GNA12: variants seen among roughly 807,000 people sequenced by gnomAD.
GNA12 encodes G protein subunit alpha 12.
In GNA12, 9 loss-of-function variants were observed where a neutral mutation model predicts 26.0. That is an observed-to-expected ratio of 0.35 (90% CI 0.21 to 0.60). The LOEUF is 0.60. GNA12 is among the 20% of genes least tolerant of loss of function. GNA12 has a pLI of 0.78. For synonymous variants in GNA12, 264 were observed against 219.6 expected (o/e 1.20, Z -1.79); for missense variants, 405 against 525.8 (o/e 0.77, Z 2.25).
intron 1 of GNA12, among the ~76,000 whole-genome samples, chr7:2,802,487 C>T (rs925147429): frequency 1.3e-5 from 2 of 151,980 alleles, no homozygotes; most frequent in African/African-American, 4.8e-5. Flanking sequence ...GTTAGTTTAG[C>T]CCCTAATCAA....
At chr7:2,746,782 AAAG>A (rs1385087202) in intron 2 of GNA12, among the ~76,000 whole-genome samples, 3 of 152,130 alleles carry the variant, frequency 2.0e-5, no homozygotes, top group Admixed American at 1.3e-4. Context: ...CAAGACTAAT[AAAG>A]AAGAAAAGAG....
chr7:2,754,483 C>T (rs1162179969), intron 2 of GNA12, among the ~76,000 whole-genome samples: 1 of 152,012 alleles, frequency 6.6e-6, no homozygotes. Context: ...TGGCTCACCC[C>T]TGTAATCCCA....
chr7:2,805,975 T>C (rs1314423787), intron 1 of GNA12, among the ~76,000 whole-genome samples: 4 of 152,356 alleles, frequency 2.6e-5, no homozygotes, highest in Admixed American at 6.5e-5. Flanking sequence ...AAAGAACACG[T>C]AAACTTCTTT....
Position 2,830,981 on chromosome 7 carries a change from A to G in GNA12, c.309+12872T>C, listed in dbSNP as rs139595566. On this transcript the variant is annotated intron_variant, in intron 1 of 3. Coordinates refer to ENST00000275364, the MANE Select transcript of GNA12 (RefSeq NM_007353.3). ...AAAAAAACAAAAAACAAAAGCTCCC[A>G]ATGCACAGAGAAGGTATCAAGGTAT... 3.0e-4 allele frequency among the ~76,000 whole-genome samples: 46 copies of G among 152,118 alleles called. No individual in the cohort carries two copies. The East Asian group carries it at 8.9e-3, about 29-fold the overall frequency.
intron 1 of GNA12, among the ~76,000 whole-genome samples, chr7:2,830,048 C>T (rs1562448860): frequency 6.6e-6 from 1 of 152,214 alleles, no homozygotes; most frequent in Non-Finnish European, 1.5e-5. Flanking sequence ...TCCACACTTC[C>T]TGGCTCCACC....
At chr7:2,818,341 T>C (rs902278578) in intron 1 of GNA12, among the ~76,000 whole-genome samples, 1 of 152,202 alleles carries the variant, frequency 6.6e-6, no homozygotes, top group Admixed American at 6.5e-5. Context: ...CACCCATCAG[T>C]GTCACAACCA....
Position 2,769,295 on chromosome 7 carries a change from T to C in GNA12, c.525+25633A>G, listed in dbSNP as rs1791889968. Among the ~76,000 whole-genome samples, 5 of 152,312 alleles carry C rather than the reference T, an allele frequency of 3.3e-5. No individual in the cohort carries two copies. In the South Asian group the frequency reaches 1.0e-3, roughly 32 times the overall value. ...GCATCACTGGCAGGTATTTACGTAGTTTTAATTTCTGCTACTACCATCAAC... is the reference window on the plus strand; with the variant it reads ...GCATCACTGGCAGGTATTTACGTAGCTTTAATTTCTGCTACTACCATCAAC... On this transcript the variant is annotated intron_variant, in intron 2 of 3. Coordinates refer to ENST00000275364, the MANE Select transcript of GNA12 (RefSeq NM_007353.3).
intron 1 of GNA12, among the ~76,000 whole-genome samples, chr7:2,819,558 G>T (rs1017020533): frequency 6.6e-6 from 1 of 152,130 alleles, no homozygotes; most frequent in Non-Finnish European, 1.5e-5. Context: ...GTCCCCTTAA[G>T]AAATTCCCTA....
intron 2 of GNA12, among the ~76,000 whole-genome samples, chr7:2,767,242 T>C (rs1364092915): frequency 6.6e-6 from 1 of 152,252 alleles, no homozygotes; most frequent in Non-Finnish European, 1.5e-5. Context: ...TTACATTTGA[T>C]GTGCTCCCAT....
intron 2 of GNA12, among the ~76,000 whole-genome samples, chr7:2,793,401 T>C (rs767751620): frequency 1.2e-4 from 19 of 152,130 alleles, no homozygotes; most frequent in Admixed American, 2.6e-4. Flanking sequence ...CTACAGTTAA[T>C]TGATGCTTTC....
intron 2 of GNA12, among the ~76,000 whole-genome samples, chr7:2,755,409 G>C (rs1168426986): frequency 1.3e-5 from 2 of 152,162 alleles, no homozygotes; most frequent in Non-Finnish European, 2.9e-5. Flanking sequence ...CATTTGTTTA[G>C]ATCTCATTTC....
At chr7:2,826,532 T>C (rs769029353) in intron 1 of GNA12, among the ~76,000 whole-genome samples, 2 of 151,962 alleles carry the variant, frequency 1.3e-5, no homozygotes, top group Non-Finnish European at 2.9e-5. Flanking sequence ...AACTTAGGAG[T>C]CACCAAAATG....
chr7:2,791,387 T>A (rs886902283), intron 2 of GNA12, among the ~76,000 whole-genome samples: 2 of 152,238 alleles, frequency 1.3e-5, no homozygotes, highest in African/African-American at 4.8e-5. Flanking sequence ...GCCTCCCCTA[T>A]GGAAAGGGAA....
intron 2 of GNA12, among the ~76,000 whole-genome samples, chr7:2,744,344 C>G (rs1228850090): frequency 6.6e-6 from 1 of 152,190 alleles, no homozygotes; most frequent in Non-Finnish European, 1.5e-5. Flanking sequence ...GATCAGGCAG[C>G]AGCATTTGTG....
At position 2,765,476 on chromosome 7, in the gene GNA12, G is replaced by C. The variant is rs542089903; in HGVS notation, c.525+29452C>G. Among the ~76,000 whole-genome samples the C allele has an allele frequency of 7.2e-5, 11 of 152,138 alleles. No individual in the cohort carries two copies. In the South Asian group the frequency reaches 8.3e-4, roughly 11 times the overall value. On this transcript the variant is annotated intron_variant, in intron 2 of 3. Transcript: ENST00000275364. ...GCCCAGCCTACAACAGGAAGACTTT[G>C]TTAAATGAATGAGCGCGCAGGGAAG...
intron 2 of GNA12, among the ~76,000 whole-genome samples, chr7:2,782,290 G>C (rs1036115418): frequency 6.6e-6 from 1 of 152,192 alleles, no homozygotes; most frequent in Non-Finnish European, 1.5e-5. Context: ...AAAAAGAGAT[G>C]TTAGTCTTCA....
intron 1 of GNA12, among the ~76,000 whole-genome samples, chr7:2,804,597 CTG>C (rs745955466): frequency 4.6e-5 from 7 of 152,142 alleles, no homozygotes; most frequent in Non-Finnish European, 8.8e-5. Context: ...TGCAAAGAAA[CTG>C]TGTGAGGAGG....
At position 2,798,851 on chromosome 7, in the gene GNA12, G is replaced by C. The variant is rs2527687; in HGVS notation, c.310-3708C>G. ...GAACCCAGGGATAGCCCCTGATACAGCTAGGTAATTTTTGTAAAAGTGCAA... is the reference window on the plus strand; with the variant it reads ...GAACCCAGGGATAGCCCCTGATACACCTAGGTAATTTTTGTAAAAGTGCAA... On this transcript the variant is annotated intron_variant, in intron 1 of 3. Transcript: ENST00000275364. Among the ~76,000 whole-genome samples the C allele has an allele frequency of 1.9e-4, 29 of 151,810 alleles. No homozygotes were observed. In the East Asian group the frequency reaches 5.6e-3, roughly 30 times the overall value.
chr7:2,768,529 A>G (rs1331371367), intron 2 of GNA12, among the ~76,000 whole-genome samples: 1 of 151,540 alleles, frequency 6.6e-6, no homozygotes, highest in African/African-American at 2.4e-5. Context: ...TCATGGATGT[A>G]ACACTCAGGA....
Sources: allele counts gnomAD v4.1 joint callset (sites outside exome capture counted in the v4.1 genomes callset), GRCh38; gene constraint gnomAD v4.1.1; transcripts MANE v1.5; gene names NCBI Gene and HGNC (gene_info 2026-07-23, HGNC 2026-07-21).